The following MTCL1 variants were observed in gnomAD, a reference collection of about 807,000 sequenced individuals.
The protein encoded by MTCL1 is microtubule crosslinking factor 1.
Under a neutral mutation model 141.4 loss-of-function variants are expected in MTCL1, and 79 were observed. That is an observed-to-expected ratio of 0.56 (90% CI 0.47 to 0.67). The LOEUF (loss-of-function observed/expected upper bound fraction) is 0.67. Ranked by LOEUF, MTCL1 falls within the 30% of genes least tolerant of loss-of-function variation. The pLI, the probability that MTCL1 is intolerant of heterozygous loss-of-function variation, is 0.00. For missense variants in MTCL1, 2,177 were observed against 2,113.9 expected (o/e 1.03, Z -0.59); for synonymous variants, 914 against 875.8 (o/e 1.04, Z -0.77).
In MTCL1 at chr18:8,705,857, C is replaced by G; in HGVS notation, c.197C>G (p.Ser66Trp). Residue 66 changes from serine to tryptophan, a missense_variant, in exon 1 of 14, where the codon TCG becomes TGG. Coordinates refer to the MTCL1 transcript ENST00000306329. This position sits in a 1 kb window ranked among gnomAD's most constrained non-coding sequence, Gnocchi z 5.2. Reference sequence around the variant, plus strand: ...GCGCCCGGCCCGGCCGTCCCCTCCTCGGGCCGAGCCCCGGCTCCCGCCGCC... The same window carrying G: ...GCGCCCGGCCCGGCCGTCCCCTCCTGGGGCCGAGCCCCGGCTCCCGCCGCC... 8.7e-7 allele frequency: 1 copy of G among 1,155,430 alleles called. No individual in the cohort carries two copies. Among genetic ancestry groups the G allele is most frequent in the Non-Finnish European group, 1.1e-6 (1 of 938,074 alleles). The allele number at this position is 1,155,430 out of a possible 1,614,324, so 71.6% of individuals were successfully genotyped here.
chr18:8,768,723 T>C (rs1220181069), intron 4 of MTCL1, among the ~76,000 whole-genome samples: 1 of 152,118 alleles, frequency 6.6e-6, no homozygotes, highest in Non-Finnish European at 1.5e-5. Flanking sequence ...TTTGCCTCTC[T>C]TGATGGACTG....
At position 8,779,519 on chromosome 18, in the gene MTCL1, T is replaced by G. The variant is rs1472581598; in HGVS notation, c.417+1627T>G. 6.6e-6 allele frequency among the ~76,000 whole-genome samples: 1 copy of G among 152,182 alleles called. No individual in the cohort carries two copies. The highest frequency in any genetic ancestry group is 1.5e-5 in the Non-Finnish European group (1 of 68,036). On this transcript the variant is annotated intron_variant, in intron 5 of 16. Transcript: ENST00000359865. This position sits in a 1 kb window ranked among gnomAD's most constrained non-coding sequence, Gnocchi z 4.1. ...GCTGAAGCTGTGATTCCACATCTTA[T>G]GAGAAGGAGTGGCTTCCCCTACTCA...
intron 5 of MTCL1, 119 bp downstream of exon 4, chr18:8,778,011 C>A: frequency 1.1e-6 from 1 of 870,846 alleles, no homozygotes; most frequent in Non-Finnish European, 1.8e-6. Flanking sequence ...ATTACCTGCC[C>A]AAACACGTGG....
intron 12 of MTCL1, among the ~76,000 whole-genome samples, chr18:8,817,652 G>A (rs2076702337): frequency 6.6e-6 from 1 of 152,168 alleles, no homozygotes; most frequent in South Asian, 2.1e-4. Flanking sequence ...AAAAAAAAAT[G>A]AATTGATCTG....
chr18:8,758,725 G>A (rs1262395399), intron 4 of MTCL1, among the ~76,000 whole-genome samples: 6 of 152,134 alleles, frequency 3.9e-5, no homozygotes, highest in African/African-American at 1.2e-4. Flanking sequence ...CAAGGGCCCC[G>A]GGGACTTCAG....
intron 4 of MTCL1, among the ~76,000 whole-genome samples, chr18:8,777,416 C>G (rs190144860): frequency 6.6e-6 from 1 of 152,214 alleles, no homozygotes; most frequent in Non-Finnish European, 1.5e-5. Flanking sequence ...TTAATTCTCA[C>G]ATTAGCCCAA....
At chr18:8,824,941 A>G (rs1452769880) in exon 15 of MTCL1, 2 of 1,613,696 alleles carry the variant, frequency 1.2e-6, no homozygotes, top group South Asian at 2.2e-5. Flanking sequence ...GCAGGGCACG[A>G]GGACAGCACA....
At chr18:8,762,673 G>A (rs1272722840) in intron 4 of MTCL1, among the ~76,000 whole-genome samples, 3 of 152,220 alleles carry the variant, frequency 2.0e-5, no homozygotes, top group Non-Finnish European at 4.4e-5. Flanking sequence ...CCACAGGGGT[G>A]GCAACAGGAG....
At chr18:8,711,904 A>T (rs1211411402) in intron 1 of MTCL1, among the ~76,000 whole-genome samples, 1 of 152,212 alleles carries the variant, frequency 6.6e-6, no homozygotes, top group Non-Finnish European at 1.5e-5. Context: ...CTTCCCTGCC[A>T]GGCTGCCAAG....
At chr18:8,786,344 T>G in intron 7 of MTCL1, 1 of 679,596 alleles carries the variant, frequency 1.5e-6, no homozygotes, top group Non-Finnish European at 2.7e-6. Flanking sequence ...CCACCTCCTG[T>G]TTCCGCAGAC....
intron 7 of MTCL1, among the ~76,000 whole-genome samples, chr18:8,790,665 G>A (rs1598679391): frequency 1.3e-5 from 2 of 152,138 alleles, no homozygotes; most frequent in South Asian, 4.2e-4. Context: ...TAAATACATC[G>A]CTGAATTCCC....
chr18:8,795,185 G>A (rs1347622550), intron 8 of MTCL1, among the ~76,000 whole-genome samples: 1 of 152,226 alleles, frequency 6.6e-6, no homozygotes, highest in Non-Finnish European at 1.5e-5. Context: ...AGCTGCCTCT[G>A]ACTCTTCACT....
intron 12 of MTCL1, 68 bp from the exon 12 acceptor site, chr18:8,818,895 C>T (rs1488708420): frequency 1.6e-5 from 24 of 1,457,440 alleles, no homozygotes; most frequent in Admixed American, 6.5e-5. Context: ...TGTGGAGAAA[C>T]GATGTTCTTA....
At chr18:8,718,285 C>T in intron 2 of MTCL1, 139 bp from the exon 2 acceptor site, 1 of 784,214 alleles carries the variant, frequency 1.3e-6, no homozygotes, top group Non-Finnish European at 2.0e-6. Context: ...TGGTGCCTGT[C>T]ACCCAGGCGT....
At chr18:8,807,391 C>T (rs1469291358) in intron 11 of MTCL1, among the ~76,000 whole-genome samples, 3 of 152,204 alleles carry the variant, frequency 2.0e-5, no homozygotes, top group African/African-American at 2.4e-5. Flanking sequence ...TAACTCTAGA[C>T]AGGAGCAAAG....
intron 10 of MTCL1, 27 bp downstream of exon 9, chr18:8,798,318 C>A: frequency 6.8e-7 from 1 of 1,467,694 alleles, no homozygotes; most frequent in Non-Finnish European, 9.0e-7. Context: ...GAGCCTGTCG[C>A]CCTGCCCACA....
At chr18:8,737,052 C>A (rs1328409653) in intron 4 of MTCL1, among the ~76,000 whole-genome samples, 1 of 152,208 alleles carries the variant, frequency 6.6e-6, no homozygotes, top group Non-Finnish European at 1.5e-5. Flanking sequence ...GCTGCTATGT[C>A]TGACTCCAGA....
rs370937803 is a variant in MTCL1 at position 8,786,102 on chromosome 18, G to A, written c.1887+11G>A. 1.4e-4 allele frequency: 218 copies of A among 1,525,590 alleles called. No homozygotes were observed. Among genetic ancestry groups the A allele is most frequent in the Non-Finnish European group, 1.8e-4 (209 of 1,139,116 alleles). The allele number at this position is 1,525,590 out of a possible 1,614,324, so 94.5% of individuals were successfully genotyped here. On this transcript the variant is annotated intron_variant, in intron 7 of 16. Coordinates refer to ENST00000359865, the Ensembl canonical transcript of MTCL1. ...TGCTTCAGCCTGGAGGTCAGCGTGGGCAAGCAATCCCCCCCCCCCGCCCTC... is the reference window on the plus strand; with the variant it reads ...TGCTTCAGCCTGGAGGTCAGCGTGGACAAGCAATCCCCCCCCCCCGCCCTC...
chr18:8,783,458 G>T, intron 5 of MTCL1, 72 bp from the exon 5 acceptor site: 1 of 1,377,988 alleles, frequency 7.3e-7, no homozygotes, highest in South Asian at 1.4e-5. Context: ...CGAGGTGTGA[G>T]GGGAATCATG....
Sources: gnomAD v4.1 joint callset for allele counts (sites outside exome capture counted in the v4.1 genomes callset) on GRCh38, gnomAD v4.1.1 for gene constraint, Gnocchi (gnomAD v3.1) non-coding constraint, MANE v1.5 for transcripts, NCBI Gene and HGNC (gene_info 2026-07-23, HGNC 2026-07-21) for gene names.